The following ARHGEF33 variants were observed in gnomAD, a reference collection of about 807,000 sequenced individuals.
ARHGEF33 encodes the protein Rho guanine nucleotide exchange factor 33.
ARHGEF33 carries 72 observed loss-of-function variants against 101.9 expected under a neutral mutation model. The observed-to-expected ratio is 0.71, with a 90% CI of 0.58 to 0.86. The LOEUF (loss-of-function observed/expected upper bound fraction) is 0.86. Ranked by LOEUF, ARHGEF33 falls within the 40% of genes least tolerant of loss-of-function variation. The probability of loss-of-function intolerance (pLI) is 0.00; values close to 1 mark genes in which losing one functional copy is unlikely to be tolerated. For missense variants in ARHGEF33, 1,169 were observed against 1,111.3 expected, an observed-to-expected ratio of 1.05 and a Z score of -0.74; for synonymous variants, 499 against 442.5, an observed-to-expected ratio of 1.13 and a Z score of -1.60.
At chr2:38,935,642 T>A in intron 7 of ARHGEF33, 133 bp from the exon 8 acceptor site, 1 of 635,618 alleles carries the variant, frequency 1.6e-6, no homozygotes, top group Admixed American at 3.1e-5. Flanking sequence ...ATACTGTAAT[T>A]TCTTTTTTTT....
At chr2:38,909,168 G>T (rs1195319025) in intron 2 of ARHGEF33, among the ~76,000 whole-genome samples, 1 of 152,188 alleles carries the variant, frequency 6.6e-6, no homozygotes, top group South Asian at 2.1e-4. Flanking sequence ...TGGTTCAGTG[G>T]CAGGAGCCAC....
intron 2 of ARHGEF33, among the ~76,000 whole-genome samples, chr2:38,913,931 A>T (rs927614535): frequency 4.6e-5 from 7 of 152,200 alleles, no homozygotes; most frequent in African/African-American, 1.7e-4. Flanking sequence ...CAGATAACCC[A>T]AAAGAAAATT....
At chr2:38,969,440 T>C (rs2124432854) in intron 17 of ARHGEF33, 1 of 169,340 alleles carries the variant, frequency 5.9e-6, no homozygotes, top group African/African-American at 2.4e-5. Context: ...ACACCCAGAA[T>C]GCTGCTTCGG....
At chr2:38,901,213 C>T (rs1016120362) in intron 2 of ARHGEF33, among the ~76,000 whole-genome samples, 1 of 152,204 alleles carries the variant, frequency 6.6e-6, no homozygotes, top group African/African-American at 2.4e-5. Context: ...AGCATTCTTT[C>T]AATCACACAA....
intron 16 of ARHGEF33, among the ~76,000 whole-genome samples, chr2:38,963,417 T>C (rs1667989170): frequency 6.6e-6 from 1 of 152,196 alleles, no homozygotes; most frequent in African/African-American, 2.4e-5. Context: ...AACACGTGAC[T>C]GTCAGGAGCT....
Position 38,959,876 on chromosome 2 carries a change from A to G in ARHGEF33, c.1571A>G (p.Gln524Arg). 6.4e-7 allele frequency: 1 copy of G among 1,551,312 alleles called. No individual in the cohort carries two copies. Among genetic ancestry groups the G allele is most frequent in the Non-Finnish European group, 8.7e-7 (1 of 1,146,524 alleles). ...LMPPVKKSQQ[Q>R]QSLMESMQPG... ...CCCCCAGTGAAGAAAAGCCAACAGC[A>G]GCAAAGCCTGATGGAGAGCATGCAG... Residue 524 changes from glutamine to arginine, a missense_variant, in exon 16 of 18, where the codon CAG (glutamine) becomes CGG (arginine). By Grantham distance (43) the Gln-to-Arg change is conservative. Transcript: ENST00000409978.
chr2:38,939,751 C>T (rs544583271), intron 9 of ARHGEF33, among the ~76,000 whole-genome samples: 80 of 152,244 alleles, frequency 5.3e-4, no homozygotes, highest in African/African-American at 1.8e-3. Flanking sequence ...CCTGGGCTTA[C>T]GTGATTCTTC....
intron 2 of ARHGEF33, among the ~76,000 whole-genome samples, chr2:38,902,890 T>G (rs1160302655): frequency 3.3e-5 from 5 of 152,114 alleles, no homozygotes; most frequent in Non-Finnish European, 5.9e-5. Context: ...AGGCCAGGAC[T>G]CCTCTCTTAT....
chr2:38,951,899 G>A (rs1455002070), intron 11 of ARHGEF33, among the ~76,000 whole-genome samples: 5 of 152,164 alleles, frequency 3.3e-5, no homozygotes, highest in African/African-American at 1.2e-4. Flanking sequence ...CCAAGCCAGA[G>A]GCTGCAAACT....
chr2:38,960,586 A>C lies in ARHGEF33; in HGVS notation c.2281A>C (p.Arg761=), dbSNP rs1273471402. The change falls in exon 16 of 18, where the codon AGG becomes CGG. Residue 761 remains arginine, a synonymous_variant. Transcript: ENST00000409978. ...CGCCGTCGCCGCCCGCGGCGCATCC[A>C]GGACCTTCTTCCCCCAACAGAGGTC... ...AAAVAARGAS[R]TFFPQQRSQS... 7.2e-7 allele frequency: 1 copy of C among 1,382,694 alleles called. No homozygotes were observed. The highest frequency in any genetic ancestry group is 1.4e-5 in the South Asian group (1 of 74,058). The allele number at this position is 1,382,694 out of a possible 1,614,324, so 85.7% of individuals were successfully genotyped here.
rs113915487 is a variant in ARHGEF33 at position 38,948,393 on chromosome 2, T to C, written c.921-2596T>C. Among the ~76,000 whole-genome samples the C allele has an allele frequency of 4.1e-3, 624 of 152,340 alleles. 6 individuals are homozygous for C. Among genetic ancestry groups the C allele is most frequent in the African/African-American group, 0.014 (594 of 41,578 alleles). ...ACAATGCTTGATGGAGGCCTTAGCC[T>C]TCTCCAACCCCACCCTGAAATCTCA... On this transcript the variant is annotated intron_variant, in intron 10 of 17. Transcript: ENST00000409978.
At chr2:38,901,353 C>T (rs991035887) in intron 2 of ARHGEF33, among the ~76,000 whole-genome samples, 2 of 152,150 alleles carry the variant, frequency 1.3e-5, no homozygotes, top group Non-Finnish European at 2.9e-5. Context: ...CAACTTTAGG[C>T]CCAGAGTTGC....
At chr2:38,893,695 C>T (rs1425832417) in intron 1 of ARHGEF33, among the ~76,000 whole-genome samples, 1 of 152,200 alleles carries the variant, frequency 6.6e-6, no homozygotes, top group East Asian at 1.9e-4. Context: ...CCTTTCATTT[C>T]TCCTAGCACC....
intron 4 of ARHGEF33, among the ~76,000 whole-genome samples, chr2:38,923,032 G>A (rs1479553948): frequency 6.6e-6 from 1 of 152,154 alleles, no homozygotes; most frequent in Non-Finnish European, 1.5e-5. Flanking sequence ...GAATGAGTAT[G>A]AGTACCTCTT....
chr2:38,951,642 T>A (rs189667542), intron 11 of ARHGEF33, among the ~76,000 whole-genome samples: 4 of 152,096 alleles, frequency 2.6e-5, no homozygotes. Context: ...AAAACATGTA[T>A]ATATATGCAT....
intron 12 of ARHGEF33, 68 bp downstream of exon 12, chr2:38,953,313 C>T: frequency 1.1e-6 from 1 of 910,708 alleles, no homozygotes; most frequent in South Asian, 1.4e-5. Context: ...GCTCATCCAC[C>T]CAGTCAATAC....
Position 38,934,537 on chromosome 2 carries a change from C to T in ARHGEF33, c.506-1238C>T, listed in dbSNP as rs1455943282. On this transcript the variant is annotated intron_variant, in intron 7 of 17. Coordinates refer to ENST00000409978, the MANE Select transcript of ARHGEF33 (RefSeq NM_001145451.5). ...CTCCCTCCCTCCCCCTTCTCTCCCTCCCTCCCCCTTTTCTCCCTTCCTCCC... is the reference window on the plus strand; with the variant it reads ...CTCCCTCCCTCCCCCTTCTCTCCCTTCCTCCCCCTTTTCTCCCTTCCTCCC... Among the ~76,000 whole-genome samples, 12 of 57,940 alleles carry T rather than the reference C, an allele frequency of 2.1e-4. No individual in the cohort carries two copies. In the South Asian group the frequency reaches 7.6e-3, roughly 37 times the overall value. The allele number at this position is 57,940 out of a possible 152,430, so 38.0% of individuals were successfully genotyped here. A position where few individuals can be genotyped will look rare whatever the true frequency, so the allele number is the denominator to read the frequency against.
chr2:38,905,409 C>T (rs558729109), intron 2 of ARHGEF33, among the ~76,000 whole-genome samples: 50 of 152,252 alleles, frequency 3.3e-4, no homozygotes, highest in African/African-American at 1.1e-3. Flanking sequence ...GTGATATCAC[C>T]GTGTTACCAC....
intron 10 of ARHGEF33, among the ~76,000 whole-genome samples, chr2:38,944,500 T>A (rs1206818674): frequency 1.3e-5 from 2 of 152,074 alleles, no homozygotes; most frequent in African/African-American, 4.8e-5. Flanking sequence ...ACTGTTGCAT[T>A]GGGGGTTAAG....
Sources: gnomAD v4.1 joint callset for allele counts (sites outside exome capture counted in the v4.1 genomes callset) on GRCh38, gnomAD v4.1.1 for gene constraint, MANE v1.5 for transcripts, NCBI Gene and HGNC (gene_info 2026-07-23, HGNC 2026-07-21) for gene names.